Variants in PAPPA2 observed in about 807,000 individuals in gnomAD.
The protein encoded by PAPPA2 is pappalysin-2.
A neutral mutation model predicts 176.4 loss-of-function variants in PAPPA2; 86 were observed. The observed-to-expected ratio is 0.49, with a 90% CI of 0.41 to 0.58. The LOEUF is 0.58. Among genes scored for constraint, PAPPA2 ranks in the 20% least tolerant of loss-of-function variants. The pLI is 0.00. For synonymous variants in PAPPA2, 809 were observed against 852.2 expected (o/e 0.95, Z 0.88); for missense variants, 2,073 against 2,256.9 (o/e 0.92, Z 1.65).
At chr1:176,602,245 G>C (rs571493203) in intron 3 of PAPPA2, among the ~76,000 whole-genome samples, 1 of 152,272 alleles carries the variant, frequency 6.6e-6, no homozygotes, top group East Asian at 1.9e-4. Flanking sequence ...AGGTTTCACT[G>C]GGGAGTTCGA....
chr1:176,825,834 T>G (rs1481379478), intron 21 of PAPPA2, among the ~76,000 whole-genome samples: 1 of 152,198 alleles, frequency 6.6e-6, no homozygotes, highest in Non-Finnish European at 1.5e-5. Flanking sequence ...AGTCACTAAG[T>G]AGCCACTTTG....
At chr1:176,839,971 A>G (rs1478654733) in intron 21 of PAPPA2, among the ~76,000 whole-genome samples, 1 of 152,180 alleles carries the variant, frequency 6.6e-6, no homozygotes, top group Non-Finnish European at 1.5e-5. Context: ...CTGCCAGTGA[A>G]ATGTGACAAT....
intron 3 of PAPPA2, among the ~76,000 whole-genome samples, chr1:176,622,195 G>C (rs755587974): frequency 6.6e-6 from 1 of 152,188 alleles, no homozygotes; most frequent in Non-Finnish European, 1.5e-5. Context: ...TGAGGAAAGA[G>C]AAGTGTACCA....
chr1:176,840,952 C>G (rs1557906096), intron 22 of PAPPA2, among the ~76,000 whole-genome samples: 3 of 152,168 alleles, frequency 2.0e-5, no homozygotes, highest in African/African-American at 7.2e-5. Context: ...TTGTATATGT[C>G]TCCACAATAA....
intron 4 of PAPPA2, among the ~76,000 whole-genome samples, chr1:176,683,292 G>T (rs1270862853): frequency 6.6e-6 from 1 of 151,994 alleles, no homozygotes; most frequent in Non-Finnish European, 1.5e-5. Flanking sequence ...TGTAATCAAG[G>T]CTGAAAGATC....
intron 4 of PAPPA2, among the ~76,000 whole-genome samples, chr1:176,683,355 C>G (rs1429769582): frequency 6.6e-6 from 1 of 152,116 alleles, no homozygotes; most frequent in African/African-American, 2.4e-5. Flanking sequence ...AACAGCTGTA[C>G]CACACATGGC....
chr1:176,699,179 G>C lies in PAPPA2; in HGVS notation c.2826G>C (p.Met942Ile). The C allele has an allele frequency of 1.2e-6, 2 of 1,614,110 alleles. No homozygotes were observed. Among genetic ancestry groups the C allele is most frequent in the Non-Finnish European group, 1.7e-6 (2 of 1,180,024 alleles). Residue 942 changes from methionine to isoleucine, a missense_variant, in exon 8 of 23, where the codon ATG (methionine) becomes ATC (isoleucine). Around this residue, in one of 4 missense-constraint regions of PAPPA2, gnomAD observed 1,196 missense variants for 1,330.4 expected, o/e 0.90. Transcript: ENST00000367662. ...SPEVHLYHMN[M>I]TVPCPTEGCS... ...AGGTCCACCTGTACCACATGAACAT[G>C]ACGGTCCCCTGCCCCACAGAAGGCT...
chr1:176,760,946 C>A (rs572951185), intron 14 of PAPPA2, among the ~76,000 whole-genome samples: 3 of 152,024 alleles, frequency 2.0e-5, no homozygotes, highest in Non-Finnish European at 4.4e-5. Flanking sequence ...CTCAGCCTCC[C>A]GGGTAGCTGG....
intron 12 of PAPPA2, among the ~76,000 whole-genome samples, chr1:176,733,939 C>A (rs959853864): frequency 4.3e-4 from 65 of 152,042 alleles, no homozygotes; most frequent in Admixed American, 3.1e-3. Flanking sequence ...TACCACTCAC[C>A]CCAACCAAAA....
chr1:176,680,553 A>G (rs61822996), intron 4 of PAPPA2, among the ~76,000 whole-genome samples: 9,970 of 152,260 alleles, frequency 0.065, 359 homozygotes, highest in South Asian at 0.14. Flanking sequence ...ACCTTTACCC[A>G]TTTCCCCTAA....
chr1:176,757,308 T>C (rs1663476231), intron 14 of PAPPA2, among the ~76,000 whole-genome samples: 2 of 152,244 alleles, frequency 1.3e-5, no homozygotes, highest in African/African-American at 4.8e-5. Context: ...GTTAAACTAA[T>C]TTCCACTCCT....
chr1:176,765,201 G>A (rs1168002223), intron 14 of PAPPA2, among the ~76,000 whole-genome samples: 1 of 152,176 alleles, frequency 6.6e-6, no homozygotes, highest in African/African-American at 2.4e-5. Context: ...TTCAGACATG[G>A]CCTTCTGTGT....
chr1:176,633,237 T>G (rs1656457266), intron 3 of PAPPA2, among the ~76,000 whole-genome samples: 1 of 152,106 alleles, frequency 6.6e-6, no homozygotes, highest in Non-Finnish European at 1.5e-5. Flanking sequence ...CCTGTGTTGG[T>G]CCACAGATGG....
chr1:176,763,903 AT>A (rs1481476068), intron 14 of PAPPA2, among the ~76,000 whole-genome samples: 2 of 152,134 alleles, frequency 1.3e-5, no homozygotes, highest in Non-Finnish European at 2.9e-5. Context: ...ATACTGGGTA[AT>A]TTATAAAGAA....
chr1:176,524,750 G>A (rs940313876), intron 1 of PAPPA2, among the ~76,000 whole-genome samples: 3 of 152,214 alleles, frequency 2.0e-5, no homozygotes, highest in Admixed American at 6.5e-5. Flanking sequence ...TTGGTCGGGC[G>A]CGGTGGCTTA....
intron 20 of PAPPA2, among the ~76,000 whole-genome samples, chr1:176,795,131 A>G (rs1350847420): frequency 2.0e-5 from 3 of 152,224 alleles, no homozygotes. Flanking sequence ...TGCACCCAGC[A>G]AGTGGGAGAA....
intron 21 of PAPPA2, among the ~76,000 whole-genome samples, chr1:176,821,663 G>A (rs1283019853): frequency 1.3e-5 from 2 of 152,158 alleles, no homozygotes; most frequent in Admixed American, 6.5e-5. Context: ...GGGCACAAAA[G>A]GGTGAGTTAA....
intron 3 of PAPPA2, among the ~76,000 whole-genome samples, chr1:176,613,738 GA>G (rs1219435822): frequency 6.6e-6 from 1 of 152,124 alleles, no homozygotes. Flanking sequence ...TGATTCTGGG[GA>G]AGGAGAAAAA....
intron 14 of PAPPA2, among the ~76,000 whole-genome samples, chr1:176,760,774 T>G (rs1436712298): frequency 1.3e-5 from 2 of 152,224 alleles, no homozygotes; most frequent in Admixed American, 6.5e-5. Context: ...ACATACATTT[T>G]GAACAAAAAT....
Sources: gnomAD v4.1 joint callset for allele counts (sites outside exome capture counted in the v4.1 genomes callset) on GRCh38, gnomAD v4.1.1 for gene constraint, gnomAD v4.1.1 regional missense constraint, MANE v1.5 for transcripts, NCBI Gene and HGNC (gene_info 2026-07-23, HGNC 2026-07-21) for gene names.